The following MGAT4C variants were observed in gnomAD, a reference collection of about 807,000 sequenced individuals.
The protein encoded by MGAT4C is alpha-1,3-mannosyl-glycoprotein 4-beta-N-acetylglucosaminyltransferase C.
In MGAT4C, 19 loss-of-function variants were observed where a neutral mutation model predicts 40.1. That is an observed-to-expected ratio of 0.47 (90% CI 0.33 to 0.70). The LOEUF (loss-of-function observed/expected upper bound fraction) is 0.70, where lower values mean the gene tolerates loss of function less well. Ranked by LOEUF, MGAT4C falls within the 30% of genes least tolerant of loss-of-function variation. The pLI, the probability that MGAT4C is intolerant of heterozygous loss-of-function variation, is 0.02. For synonymous variants in MGAT4C, 181 were observed against 187.1 expected (o/e 0.97, Z 0.27); for missense variants, 491 against 563.2 (o/e 0.87, Z 1.30).
intron 2 of MGAT4C, among the ~76,000 whole-genome samples, chr12:86,550,558 C>A (rs1051629749): frequency 2.0e-5 from 3 of 152,194 alleles, no homozygotes; most frequent in Non-Finnish European, 4.4e-5. Flanking sequence ...GTAGGCACTG[C>A]ACCTCTCCAG....
At chr12:86,043,536 C>A (rs1391291835) in intron 2 of MGAT4C, among the ~76,000 whole-genome samples, 1 of 152,220 alleles carries the variant, frequency 6.6e-6, no homozygotes, top group Non-Finnish European at 1.5e-5. Context: ...GCCACACTGG[C>A]AGCTGATTAG....
At chr12:86,434,073 G>A (rs533465191) in intron 3 of MGAT4C, among the ~76,000 whole-genome samples, 11 of 151,930 alleles carry the variant, frequency 7.2e-5, no homozygotes, top group Admixed American at 2.6e-4. Context: ...AGCCTGGAAG[G>A]CTATTCTGGT....
intron 3 of MGAT4C, among the ~76,000 whole-genome samples, chr12:86,381,230 A>C (rs1043280812): frequency 6.6e-6 from 1 of 152,182 alleles, no homozygotes; most frequent in African/African-American, 2.4e-5. Flanking sequence ...AAAAAAACCA[A>C]AAGGGGTTAC....
intron 2 of MGAT4C, among the ~76,000 whole-genome samples, chr12:86,509,571 A>T (rs1958535892): frequency 6.6e-6 from 1 of 152,068 alleles, no homozygotes; most frequent in African/African-American, 2.4e-5. Flanking sequence ...TATGAACTTT[A>T]AAGTAGTTTT....
intron 2 of MGAT4C, among the ~76,000 whole-genome samples, chr12:86,557,764 A>G (rs1298860035): frequency 3.3e-5 from 5 of 152,232 alleles, no homozygotes; most frequent in African/African-American, 1.2e-4. Context: ...TAAATTGGGA[A>G]ACAGTGACTA....
At chr12:86,803,380 A>G (rs1166051803) in intron 1 of MGAT4C, among the ~76,000 whole-genome samples, 2 of 151,928 alleles carry the variant, frequency 1.3e-5, no homozygotes, top group Non-Finnish European at 2.9e-5. Context: ...CTAAAACACC[A>G]AAAGCAATGG....
chr12:86,546,362 T>C (rs1319703544), intron 2 of MGAT4C, among the ~76,000 whole-genome samples: 1 of 151,636 alleles, frequency 6.6e-6, no homozygotes, highest in Non-Finnish European at 1.5e-5. Context: ...ATATACTAAA[T>C]AGCCGTCAAC....
At chr12:86,615,390 T>G (rs1962416029) in intron 2 of MGAT4C, among the ~76,000 whole-genome samples, 1 of 152,058 alleles carries the variant, frequency 6.6e-6, no homozygotes, top group Non-Finnish European at 1.5e-5. Context: ...TTTATTGTTG[T>G]GTAATAAATT....
At chr12:86,150,288 A>G (rs1884111970) in intron 1 of MGAT4C, among the ~76,000 whole-genome samples, 2 of 152,204 alleles carry the variant, frequency 1.3e-5, no homozygotes, top group Admixed American at 6.5e-5. Context: ...CCAGGGTACC[A>G]GTCCGTGGAC....
intron 1 of MGAT4C, among the ~76,000 whole-genome samples, chr12:86,155,220 T>C (rs1884787117): frequency 6.6e-6 from 1 of 152,180 alleles, no homozygotes; most frequent in Non-Finnish European, 1.5e-5. Flanking sequence ...TCATAAAAGA[T>C]GAACTTCGCA....
At chr12:86,681,456 T>C (rs1302735577) in intron 2 of MGAT4C, among the ~76,000 whole-genome samples, 1 of 151,978 alleles carries the variant, frequency 6.6e-6, no homozygotes. Flanking sequence ...AATCAGATTT[T>C]CTTTTAATTA....
intron 2 of MGAT4C, among the ~76,000 whole-genome samples, chr12:86,551,894 T>C (rs566150436): frequency 1.3e-5 from 2 of 152,060 alleles, no homozygotes; most frequent in African/African-American, 4.8e-5. Flanking sequence ...CCAAAGCCAG[T>C]GCATCCCACC....
At chr12:86,260,072 T>C (rs975501019), upstream of MGAT4C, among the ~76,000 whole-genome samples, 2 of 152,210 alleles carry the variant, frequency 1.3e-5, no homozygotes, top group African/African-American at 2.4e-5. Context: ...ATAGGCTTTA[T>C]TGCATTAGGG....
chr12:86,453,150 T>C (rs1316337372), intron 2 of MGAT4C, among the ~76,000 whole-genome samples: 3 of 152,188 alleles, frequency 2.0e-5, no homozygotes, highest in Non-Finnish European at 2.9e-5. Context: ...AAGTGTATAT[T>C]TAAATCATAG....
chr12:86,666,085 A>G (rs191411988), intron 2 of MGAT4C, among the ~76,000 whole-genome samples: 28 of 152,288 alleles, frequency 1.8e-4, no homozygotes, highest in Admixed American at 1.8e-3. Context: ...CAAAACTGCA[A>G]TTCTTAAAAC....
At chr12:86,310,676 C>G (rs1434284970) in intron 4 of MGAT4C, among the ~76,000 whole-genome samples, 1 of 152,112 alleles carries the variant, frequency 6.6e-6, no homozygotes, top group Non-Finnish European at 1.5e-5. Flanking sequence ...AATCTCAGCA[C>G]TTTCAGGGGC....
intron 2 of MGAT4C, among the ~76,000 whole-genome samples, chr12:86,691,796 G>A (rs1950177736): frequency 6.6e-6 from 1 of 151,784 alleles, no homozygotes; most frequent in Admixed American, 6.6e-5. Context: ...ATATTTATAG[G>A]AAATCTAAAT....
At chr12:86,271,817 A>G (rs533948418) in intron 4 of MGAT4C, among the ~76,000 whole-genome samples, 1 of 152,350 alleles carries the variant, frequency 6.6e-6, no homozygotes, top group Non-Finnish European at 1.5e-5. Context: ...TTATTCAGTC[A>G]TTAGAAAAGA....
intron 2 of MGAT4C, among the ~76,000 whole-genome samples, chr12:86,517,936 C>T (rs889287785): frequency 1.3e-5 from 2 of 152,164 alleles, no homozygotes; most frequent in African/African-American, 4.8e-5. Context: ...GCGTGAGCCA[C>T]CGTGCCCGGC....
Sources: gnomAD v4.1 joint callset for allele counts (sites outside exome capture counted in the v4.1 genomes callset) on GRCh38, gnomAD v4.1.1 for gene constraint, MANE v1.5 for transcripts, NCBI Gene and HGNC (gene_info 2026-07-23, HGNC 2026-07-21) for gene names.